Variants in MEGF6 observed in about 807,000 individuals in gnomAD.
MEGF6 encodes multiple EGF like domains 6.
A neutral mutation model predicts 207.1 loss-of-function variants in MEGF6; 184 were observed. The observed-to-expected ratio is 0.89, with a 90% CI of 0.79 to 1.00. The LOEUF is 1.00. MEGF6 is among the 50% of genes least tolerant of loss of function. The probability of loss-of-function intolerance (pLI) is 0.00; values close to 1 mark genes in which losing one functional copy is unlikely to be tolerated. For synonymous variants in MEGF6, 1,038 were observed against 910.0 expected, an observed-to-expected ratio of 1.14 and a Z score of -2.53; for missense variants, 2,282 against 2,202.9, an observed-to-expected ratio of 1.04 and a Z score of -0.72.
At chr1:3,493,558 C>G (rs1640466614) in intron 34 of MEGF6, 1 of 657,790 alleles carries the variant, frequency 1.5e-6, no homozygotes, top group Non-Finnish European at 2.5e-6. Context: ...CACGGCAGGG[C>G]CTGGCCTAAG....
chr1:3,597,232 G>C (rs559331909), intron 2 of MEGF6, among the ~76,000 whole-genome samples: 1 of 152,168 alleles, frequency 6.6e-6, no homozygotes, highest in Non-Finnish European at 1.5e-5. Flanking sequence ...GCTGCCTCTC[G>C]AGGAAGCTCC....
Position 3,515,390 on chromosome 1 carries a change from G to A in MEGF6, c.730+12C>T, listed in dbSNP as rs1388191205. 1.2e-6 allele frequency: 2 copies of A among 1,608,046 alleles called. No homozygotes were observed. Among genetic ancestry groups the A allele is most frequent in the Admixed American group, 3.4e-5 (2 of 59,440 alleles). On this transcript the variant is annotated intron_variant, in intron 6 of 36. Transcript: ENST00000356575. ...ACCCCCAGGTCCTCCCTCCCAGGCTGGCAGCACTCACGGACACAATGCCTG... is the reference window on the plus strand; with the variant it reads ...ACCCCCAGGTCCTCCCTCCCAGGCTAGCAGCACTCACGGACACAATGCCTG...
chr1:3,577,871 G>A (rs1052336313), intron 4 of MEGF6, among the ~76,000 whole-genome samples: 19 of 152,132 alleles, frequency 1.2e-4, no homozygotes, highest in Admixed American at 5.9e-4. Context: ...CAGAGCCCTC[G>A]CCCCACGCTG....
At chr1:3,619,861 G>T in the MEGF6 span, among the ~76,000 whole-genome samples, 1 of 152,242 alleles carries the variant, frequency 6.6e-6, no homozygotes, top group African/African-American at 2.4e-5. Context: ...ATGGGCAGAG[G>T]TTGGAACAGT....
chr1:3,591,667 T>C (rs1190641816), intron 3 of MEGF6, among the ~76,000 whole-genome samples: 1 of 139,172 alleles, frequency 7.2e-6, no homozygotes, highest in Non-Finnish European at 1.5e-5. Flanking sequence ...AGGGACCTGA[T>C]GGGGGCGCCA....
At chr1:3,577,813 T>G (rs949793297) in intron 4 of MEGF6, among the ~76,000 whole-genome samples, 1 of 152,224 alleles carries the variant, frequency 6.6e-6, no homozygotes, top group African/African-American at 2.4e-5. Flanking sequence ...GACAGGCCCC[T>G]CCCACTGGGC....
intron 30 of MEGF6, among the ~76,000 whole-genome samples, chr1:3,495,320 G>A (rs1640555284): frequency 6.6e-6 from 1 of 152,158 alleles, no homozygotes; most frequent in Admixed American, 6.5e-5. Flanking sequence ...AACTGCTGTG[G>A]GGGCAGCCAG....
At chr1:3,548,419 C>T (rs1318975782) in intron 4 of MEGF6, among the ~76,000 whole-genome samples, 2 of 152,274 alleles carry the variant, frequency 1.3e-5, no homozygotes, top group African/African-American at 4.8e-5. Context: ...TGTTGGAATG[C>T]AGCTGTCAGC....
In MEGF6 at chr1:3,539,605, C is replaced by A. The variant is rs576866908; in HGVS notation, c.482-15359G>T. ...ACAGCCCCTGACTCTGGGGCACAAT[C>A]GCCCCAACCTCCTCATGAGTAGCCC... On this transcript the variant is annotated intron_variant, in intron 4 of 36. Coordinates refer to ENST00000356575, the MANE Select transcript of MEGF6 (RefSeq NM_001409.4). Among the ~76,000 whole-genome samples the A allele has an allele frequency of 2.6e-5, 4 of 152,324 alleles. No individual in the cohort carries two copies. The South Asian group carries it at 8.3e-4, about 32-fold the overall frequency.
chr1:3,492,821 G>A (rs1557710318), intron 34 of MEGF6, 54 bp from the exon 35 acceptor site: 13 of 1,578,550 alleles, frequency 8.2e-6, no homozygotes, highest in South Asian at 5.6e-5. Flanking sequence ...TGCCTTCCCC[G>A]CGCCAAGGAG....
chr1:3,554,135 C>A (rs928320678), intron 4 of MEGF6, among the ~76,000 whole-genome samples: 1 of 152,150 alleles, frequency 6.6e-6, no homozygotes, highest in African/African-American at 2.4e-5. Flanking sequence ...AGAGCACATG[C>A]GCCCCATCCC....
chr1:3,540,499 C>T (rs1427436562), intron 4 of MEGF6, among the ~76,000 whole-genome samples: 1 of 152,250 alleles, frequency 6.6e-6, no homozygotes, highest in Non-Finnish European at 1.5e-5. Flanking sequence ...GCGAGGGATG[C>T]TGAGGCCTCA....
intron 30 of MEGF6, 98 bp downstream of exon 30, chr1:3,495,792 G>T (rs1640572995): frequency 7.0e-7 from 1 of 1,437,602 alleles, no homozygotes; most frequent in Admixed American, 2.2e-5. Flanking sequence ...GGATGTGCGG[G>T]TGTCTGGGCT....
At chr1:3,604,625 C>T (rs1470643130) in intron 1 of MEGF6, among the ~76,000 whole-genome samples, 2 of 152,152 alleles carry the variant, frequency 1.3e-5, no homozygotes, top group Non-Finnish European at 2.9e-5. Context: ...GGAGTGCCTC[C>T]TCCGTGCCCA....
chr1:3,581,705 C>T (rs962102972), intron 3 of MEGF6, among the ~76,000 whole-genome samples: 6 of 152,186 alleles, frequency 3.9e-5, no homozygotes, highest in East Asian at 1.9e-4. Flanking sequence ...CAGGTGCCGG[C>T]CTGGAGACCA....
At chr1:3,608,388 T>A (rs1644281829) in intron 1 of MEGF6, among the ~76,000 whole-genome samples, 1 of 152,060 alleles carries the variant, frequency 6.6e-6, no homozygotes, top group Non-Finnish European at 1.5e-5. Context: ...AACAGCTGCC[T>A]TCTACACCCT....
chr1:3,523,166 C>T (rs913784991), intron 5 of MEGF6, among the ~76,000 whole-genome samples: 2 of 152,094 alleles, frequency 1.3e-5, no homozygotes, highest in Admixed American at 6.5e-5. Context: ...GGCCCTGCTC[C>T]GGGCCTCCAA....
chr1:3,589,096 T>C (rs1570209225), intron 3 of MEGF6, among the ~76,000 whole-genome samples: 1 of 152,142 alleles, frequency 6.6e-6, no homozygotes, highest in Admixed American at 6.5e-5. Flanking sequence ...CCCTAGGGCC[T>C]ATAGAAAAGG....
chr1:3,591,210 G>A (rs935417851), intron 3 of MEGF6, among the ~76,000 whole-genome samples: 5 of 152,334 alleles, frequency 3.3e-5, no homozygotes, highest in Middle Eastern at 3.4e-3. Flanking sequence ...GGAATGTGGC[G>A]TCGGAAACGC....
Sources: allele counts gnomAD v4.1 joint callset (sites outside exome capture counted in the v4.1 genomes callset), GRCh38; gene constraint gnomAD v4.1.1; transcripts MANE v1.5; gene names NCBI Gene and HGNC (gene_info 2026-07-23, HGNC 2026-07-21).